Variants in CNTLN observed in about 807,000 individuals in gnomAD.
The protein encoded by CNTLN is centlein, also known as centlein, centrosomal protein.
In CNTLN, 212 loss-of-function variants were observed where a neutral mutation model predicts 180.0. The ratio of observed to expected loss-of-function variants is 1.18; its 90% CI spans 1.05 to 1.32. The LOEUF (loss-of-function observed/expected upper bound fraction) is 1.32, where lower values mean the gene tolerates loss of function less well. CNTLN is among the 40% of genes most tolerant of loss of function. The pLI, the probability that CNTLN is intolerant of heterozygous loss-of-function variation, is 0.00. For synonymous variants in CNTLN, 722 were observed against 563.1 expected (o/e 1.28, Z -3.99); for missense variants, 2,095 against 1,610.9 (o/e 1.30, Z -5.14).
intron 8 of CNTLN, among the ~76,000 whole-genome samples, chr9:17,317,446 A>G (rs1173887957): frequency 6.6e-6 from 1 of 152,182 alleles, no homozygotes; most frequent in African/African-American, 2.4e-5. Context: ...ACAAATATTT[A>G]TTGATATTCT....
chr9:17,296,905 C>G (rs1817986634), intron 6 of CNTLN, among the ~76,000 whole-genome samples: 1 of 152,204 alleles, frequency 6.6e-6, no homozygotes, highest in Non-Finnish European at 1.5e-5. Flanking sequence ...CATCCATGTT[C>G]AACAACTGTC....
At chr9:17,358,850 A>G (rs1375142510) in intron 12 of CNTLN, among the ~76,000 whole-genome samples, 1 of 152,128 alleles carries the variant, frequency 6.6e-6, no homozygotes, top group Admixed American at 6.5e-5. Context: ...TTCCAAAAAA[A>G]CCTATTTAAT....
intron 2 of CNTLN, among the ~76,000 whole-genome samples, chr9:17,163,368 G>T (rs1174258082): frequency 1.3e-5 from 2 of 152,126 alleles, no homozygotes; most frequent in Non-Finnish European, 2.9e-5. Flanking sequence ...CCCATTTTTA[G>T]AAATTTTTCT....
rs766539252 is a variant in CNTLN, at chr9:17,469,232, A to G, written c.3855+2341A>G. Among the ~76,000 whole-genome samples the G allele has an allele frequency of 1.2e-4, 18 of 151,938 alleles. No homozygotes were observed. In the South Asian group the frequency reaches 1.7e-3, roughly 14 times the overall value. On this transcript the variant is annotated intron_variant, in intron 23 of 25. Transcript: ENST00000380647. The stretch of plus-strand genomic sequence containing the variant: ...TCCTTACATTGTTTTTAAGAATTGA[A>G]TTCAAATAACAATACATATCAGTTT...
At chr9:17,507,802 G>A (rs769862333), downstream of CNTLN, among the ~76,000 whole-genome samples, 65 of 152,020 alleles carry the variant, frequency 4.3e-4, no homozygotes, top group African/African-American at 6.8e-4. Flanking sequence ...ACACTTCTGC[G>A]CATAGTCCAA....
At chr9:17,377,206 A>G (rs977392885) in intron 13 of CNTLN, among the ~76,000 whole-genome samples, 6 of 152,158 alleles carry the variant, frequency 3.9e-5, no homozygotes, top group African/African-American at 1.2e-4. Flanking sequence ...TGGCTTTTCT[A>G]TTTATGAATT....
At chr9:17,302,924 A>G (rs1385781056) in intron 7 of CNTLN, among the ~76,000 whole-genome samples, 2 of 152,228 alleles carry the variant, frequency 1.3e-5, no homozygotes, top group African/African-American at 4.8e-5. Flanking sequence ...GAAATGTTTT[A>G]TGTAAATCGA....
chr9:17,225,007 A>C (rs1342537856), intron 2 of CNTLN, among the ~76,000 whole-genome samples: 1 of 151,704 alleles, frequency 6.6e-6, no homozygotes, highest in African/African-American at 2.4e-5. Flanking sequence ...TTTTTTCTAG[A>C]AATTTTATAG....
the CNTLN span, among the ~76,000 whole-genome samples, chr9:17,515,022 A>T: frequency 1.3e-5 from 2 of 152,198 alleles, no homozygotes; most frequent in African/African-American, 4.8e-5. Context: ...CTACACTCAG[A>T]TGTTTTTATG....
intron 6 of CNTLN, among the ~76,000 whole-genome samples, chr9:17,285,621 A>G: frequency 8.7e-6 from 1 of 114,504 alleles, no homozygotes; most frequent in African/African-American, 4.0e-5. Context: ...AGTCCCACCA[A>G]CAGTGTAAAA....
rs1456379699 is a variant in CNTLN, at chr9:17,359,717, T to TAAAAAA, written c.1887-6895_1887-6894insAAAAAA. The stretch of plus-strand genomic sequence containing the variant: ...TAACACGGTGAAACTCCGTCTATAC[T>TAAAAAA]AAAAATACAAAAAAAAAAAAAAAAA... On this transcript the variant is annotated intron_variant, in intron 12 of 25. Coordinates refer to ENST00000380647, the MANE Select transcript of CNTLN (RefSeq NM_017738.4). 2.3e-3 allele frequency among the ~76,000 whole-genome samples: 31 copies of TAAAAAA among 13,468 alleles called. 2 individuals are homozygous for TAAAAAA. Among genetic ancestry groups the TAAAAAA allele is most frequent in the East Asian group, 3.0e-3 (1 of 328 alleles). The allele number at this position is 13,468 out of a possible 152,430, so 8.8% of individuals were successfully genotyped here.
intron 13 of CNTLN, among the ~76,000 whole-genome samples, chr9:17,373,502 C>A (rs965438530): frequency 3.3e-5 from 5 of 151,982 alleles, no homozygotes; most frequent in African/African-American, 1.2e-4. Flanking sequence ...AAAGACATCC[C>A]CTTTTAATGG....
rs1196210939 is a variant in CNTLN, at chr9:17,181,652, A to G, written c.449+38276A>G. 2.6e-5 allele frequency among the ~76,000 whole-genome samples: 4 copies of G among 152,018 alleles called. No individual in the cohort carries two copies. In the South Asian group the frequency reaches 6.2e-4, roughly 24 times the overall value. ...ACTCTGTATCTTATTTAAACCTTCT[A>G]TTTTCTCTGGCTTTCACTGATGACA... On this transcript the variant is annotated intron_variant, in intron 2 of 25. Coordinates refer to ENST00000380647, the MANE Select transcript of CNTLN (RefSeq NM_017738.4).
At chr9:17,359,852 A>T (rs1352814923) in intron 12 of CNTLN, among the ~76,000 whole-genome samples, 1 of 151,086 alleles carries the variant, frequency 6.6e-6, no homozygotes, top group African/African-American at 2.4e-5. Flanking sequence ...GTGAGCCGAG[A>T]TCTTGCCACT....
At chr9:17,173,366 C>T (rs916357792) in intron 2 of CNTLN, among the ~76,000 whole-genome samples, 27 of 152,124 alleles carry the variant, frequency 1.8e-4, no homozygotes, top group Admixed American at 5.9e-4. Flanking sequence ...AATACATGTG[C>T]GTATGCATAT....
chr9:17,373,770 A>AG (rs1774353046), intron 13 of CNTLN, among the ~76,000 whole-genome samples: 1 of 152,172 alleles, frequency 6.6e-6, no homozygotes, highest in Non-Finnish European at 1.5e-5. Context: ...GAAAATTGAC[A>AG]CATAGACCAA....
intron 2 of CNTLN, among the ~76,000 whole-genome samples, chr9:17,214,980 T>G (rs1400257089): frequency 6.6e-6 from 1 of 152,202 alleles, no homozygotes; most frequent in Non-Finnish European, 1.5e-5. Context: ...GTTTTTAGCT[T>G]CTTTGTGATG....
At chr9:17,352,857 A>C (rs1178610338) in intron 12 of CNTLN, among the ~76,000 whole-genome samples, 1 of 152,222 alleles carries the variant, frequency 6.6e-6, no homozygotes, top group African/African-American at 2.4e-5. Flanking sequence ...AATATTTTCA[A>C]GATTCATCCA....
intron 6 of CNTLN, among the ~76,000 whole-genome samples, chr9:17,292,394 T>C (rs1829474714): frequency 6.6e-6 from 1 of 152,220 alleles, no homozygotes; most frequent in Non-Finnish European, 1.5e-5. Context: ...TCCTGAGGTA[T>C]GTTTTCCACC....
Sources: gnomAD v4.1 joint callset for allele counts (sites outside exome capture counted in the v4.1 genomes callset) on GRCh38, gnomAD v4.1.1 for gene constraint, MANE v1.5 for transcripts, NCBI Gene and HGNC (gene_info 2026-07-23, HGNC 2026-07-21) for gene names.